Variants in FLRT1 observed in about 807,000 individuals in gnomAD.
FLRT1 encodes the protein fibronectin leucine rich transmembrane protein 1.
Under a neutral mutation model 30.9 loss-of-function variants are expected in FLRT1, and 14 were observed. The observed-to-expected ratio is 0.45, with a 90% CI of 0.30 to 0.71. The LOEUF (loss-of-function observed/expected upper bound fraction) is 0.71. Ranked by LOEUF, FLRT1 falls within the 30% of genes least tolerant of loss-of-function variation. The probability of loss-of-function intolerance (pLI) is 0.08; values close to 1 mark genes in which losing one functional copy is unlikely to be tolerated. For synonymous variants in FLRT1, 368 were observed against 430.4 expected, an observed-to-expected ratio of 0.85 and a Z score of 1.80; for missense variants, 737 against 949.2, an observed-to-expected ratio of 0.78 and a Z score of 2.94.
intron 1 of FLRT1, among the ~76,000 whole-genome samples, chr11:64,073,057 C>T (rs536206259): frequency 9.8e-5 from 15 of 152,312 alleles, no homozygotes; most frequent in African/African-American, 2.6e-4. Flanking sequence ...CAGCTCCTGA[C>T]GGCACAGAGC....
chr11:64,042,038 G>A (rs928999397), intron 1 of FLRT1, among the ~76,000 whole-genome samples: 3 of 152,130 alleles, frequency 2.0e-5, no homozygotes, highest in African/African-American at 7.2e-5. Context: ...TCACTCTCTC[G>A]GGCAGCGGCC....
rs1333997662 is a variant in FLRT1 at position 64,118,161 on chromosome 11, G to A, written c.1894G>A (p.Glu632Lys). Residue 632 changes from glutamate to lysine, a missense_variant, in exon 3 of 3, where the codon GAG becomes AAG. By Grantham distance (56) the Glu-to-Lys change is moderately conservative. Coordinates refer to ENST00000682287, the MANE Select transcript of FLRT1 (RefSeq NM_013280.5). ...LPINPYRAKEEYVVHTIFPSN... is the reference protein window; with the variant it reads ...LPINPYRAKEKYVVHTIFPSN... ...CATCAACCCGTACCGCGCCAAAGAA[G>A]AGTACGTGGTCCACACTATCTTCCC... 18 of 1,613,616 alleles carry A rather than the reference G, an allele frequency of 1.1e-5. No homozygotes were observed. Among genetic ancestry groups the A allele is most frequent in the East Asian group, 1.1e-4 (5 of 44,904 alleles).
chr11:64,107,777 T>C (rs1345107620), intron 2 of FLRT1, among the ~76,000 whole-genome samples: 1 of 152,070 alleles, frequency 6.6e-6, no homozygotes, highest in African/African-American at 2.4e-5. Context: ...GGTCATGGCA[T>C]CTAGTCCCTG....
chr11:64,079,512 A>T (rs1944266587), intron 1 of FLRT1, among the ~76,000 whole-genome samples: 2 of 152,186 alleles, frequency 1.3e-5, no homozygotes, highest in African/African-American at 4.8e-5. Context: ...TGCCTTAAGC[A>T]GTCACCAGCA....
At chr11:64,079,653 C>T (rs1944269997) in intron 1 of FLRT1, among the ~76,000 whole-genome samples, 1 of 152,208 alleles carries the variant, frequency 6.6e-6, no homozygotes, top group Non-Finnish European at 1.5e-5. Flanking sequence ...TCACTCAAAG[C>T]CTGTGGGAGC....
At chr11:64,066,379 G>A (rs997303479) in intron 1 of FLRT1, among the ~76,000 whole-genome samples, 22 of 151,352 alleles carry the variant, frequency 1.5e-4, no homozygotes, top group Admixed American at 4.6e-4. Flanking sequence ...TTAGGAGGCC[G>A]AGGTGGTAGG....
At chr11:64,059,370 G>A (rs1305545845) in intron 1 of FLRT1, among the ~76,000 whole-genome samples, 2 of 152,182 alleles carry the variant, frequency 1.3e-5, no homozygotes, top group African/African-American at 2.4e-5. Flanking sequence ...CAAGAGGCTC[G>A]CAGCCCAGCA....
intron 1 of FLRT1, among the ~76,000 whole-genome samples, chr11:64,052,688 G>A (rs555881851): frequency 6.6e-6 from 1 of 152,354 alleles, no homozygotes; most frequent in East Asian, 1.9e-4. Flanking sequence ...TTGCAAATGA[G>A]GAAATGGCGC....
intron 1 of FLRT1, among the ~76,000 whole-genome samples, chr11:64,088,598 CCT>C (rs1436117390): frequency 7.0e-6 from 1 of 143,518 alleles, no homozygotes; most frequent in African/African-American, 2.7e-5. Flanking sequence ...CTCTCCTCCT[CCT>C]CCCCGGGTTT....
chr11:64,074,278 A>G (rs1264100396), intron 1 of FLRT1, among the ~76,000 whole-genome samples: 1 of 152,184 alleles, frequency 6.6e-6, no homozygotes, highest in Admixed American at 6.5e-5. Context: ...GAGGCTCATG[A>G]GGAAGGTTTC....
In FLRT1 at chr11:64,036,651, G is replaced by A. The variant is rs1188927318; in HGVS notation, c.-1038+492G>A. On this transcript the variant is annotated intron_variant, in intron 1 of 2. Transcript: ENST00000682287. The surrounding 1 kb of genome is among the most constrained non-coding windows in gnomAD (Gnocchi z 5.6). ...CCGCGTGAGTCACGGTTGGAGCGAG[G>A]TTTTATTTTTAAAACGACTTCAAGG... Among the ~76,000 whole-genome samples the A allele has an allele frequency of 2.6e-5, 4 of 152,280 alleles. No homozygotes were observed. The highest frequency in any genetic ancestry group is 4.4e-5 in the Non-Finnish European group (3 of 68,014).
In FLRT1 at chr11:64,054,939, C is replaced by T. The variant is rs767936912; in HGVS notation, c.-1038+18780C>T. On this transcript the variant is annotated intron_variant, in intron 1 of 2. Coordinates refer to ENST00000682287, the MANE Select transcript of FLRT1 (RefSeq NM_013280.5). Reference sequence around the variant, plus strand: ...GCCCTCTTTCTCCCCTGCTCTTCACCGCTGAATTTCTCAGGATGGCTCAGG... The same window carrying T: ...GCCCTCTTTCTCCCCTGCTCTTCACTGCTGAATTTCTCAGGATGGCTCAGG... Among the ~76,000 whole-genome samples, 123 of 152,152 alleles carry T rather than the reference C, an allele frequency of 8.1e-4. 1 individual carries two copies. Among genetic ancestry groups the T allele is most frequent in the Admixed American group, 4.6e-4 (7 of 15,280 alleles).
intron 2 of FLRT1, among the ~76,000 whole-genome samples, chr11:64,113,042 C>T (rs1228632008): frequency 2.0e-5 from 3 of 152,210 alleles, no homozygotes; most frequent in Non-Finnish European, 4.4e-5. Flanking sequence ...TGACCTGCAA[C>T]CCACAGAGTG....
intron 1 of FLRT1, among the ~76,000 whole-genome samples, chr11:64,070,167 C>T (rs934381158): frequency 3.9e-5 from 6 of 152,164 alleles, no homozygotes; most frequent in African/African-American, 1.4e-4. Context: ...AGGTCGTGTG[C>T]TCAGGGTCAC....
At chr11:64,087,531 A>C (rs1212364373) in intron 1 of FLRT1, among the ~76,000 whole-genome samples, 1 of 152,198 alleles carries the variant, frequency 6.6e-6, no homozygotes, top group Non-Finnish European at 1.5e-5. Context: ...CTGGGCTTGG[A>C]GGCAAGCACG....
rs539033658 is a variant in FLRT1, at chr11:64,111,433, T to C, written c.-49-4786T>C. Among the ~76,000 whole-genome samples, 3 of 152,348 alleles carry C rather than the reference T, an allele frequency of 2.0e-5. No individual in the cohort carries two copies. In the East Asian group the frequency reaches 5.8e-4, roughly 29 times the overall value. On this transcript the variant is annotated intron_variant, in intron 2 of 2. Transcript: ENST00000682287. ...TGTCTTCCTGTCTCTAGCATTGCCC[T>C]GTGCTACCTACCTGCTCATAAGTGG...
chr11:64,109,866 C>G (rs755784868), intron 2 of FLRT1, among the ~76,000 whole-genome samples: 1 of 152,058 alleles, frequency 6.6e-6, no homozygotes, highest in Non-Finnish European at 1.5e-5. Context: ...TCAGCCTGTC[C>G]GGAAGGCACA....
chr11:64,104,277 C>A (rs1944720310), intron 2 of FLRT1, 96 bp downstream of exon 2: 1 of 152,316 alleles, frequency 6.6e-6, no homozygotes, highest in Non-Finnish European at 1.5e-5. Flanking sequence ...GTTGCACCCT[C>A]CAAAGGCCCC....
chr11:64,044,593 A>C (rs1943549607), intron 1 of FLRT1, among the ~76,000 whole-genome samples: 1 of 152,188 alleles, frequency 6.6e-6, no homozygotes, highest in African/African-American at 2.4e-5. Context: ...CCCCAGGGGT[A>C]AACTGAGGCA....
Sources: allele counts gnomAD v4.1 joint callset (sites outside exome capture counted in the v4.1 genomes callset), GRCh38; gene constraint gnomAD v4.1.1; non-coding constraint Gnocchi (gnomAD v3.1); transcripts MANE v1.5; gene names NCBI Gene and HGNC (gene_info 2026-07-23, HGNC 2026-07-21).